OCA2: variants seen among roughly 807,000 people sequenced by gnomAD.
The protein encoded by OCA2 is OCA2 melanosomal transmembrane protein, also known as P protein.
In OCA2, 77 loss-of-function variants were observed where a neutral mutation model predicts 100.2. That is an observed-to-expected ratio of 0.77 (90% CI 0.64 to 0.93). The LOEUF is 0.93. OCA2 is among the 40% of genes least tolerant of loss of function. The probability of loss-of-function intolerance (pLI) is 0.00; values close to 1 mark genes in which losing one functional copy is unlikely to be tolerated. For missense variants in OCA2, 1,062 were observed against 1,089.1 expected (o/e 0.98, Z 0.35); for synonymous variants, 432 against 439.2 (o/e 0.98, Z 0.21).
rs754777148 is a variant in OCA2, at chr15:27,966,752, G to A, written c.1574C>T (p.Pro525Leu). The change falls in exon 15 of 24, where the codon CCG becomes CTG. Residue 525 changes from proline (P) to leucine (L), a missense_variant. By Grantham distance (98) the Pro-to-Leu change is moderately conservative. Transcript: ENST00000354638. ...GICLVLLVCF[P>L]LLRLLYWNRK... ...GTTCCAGTAAAGGAGTCTGAGGAGC[G>A]GAAAGCAGACCAGGAGAACAAGGCA... 2.5e-5 allele frequency: 40 copies of A among 1,613,706 alleles called. No individual in the cohort carries two copies. Among genetic ancestry groups the A allele is most frequent in the African/African-American group, 2.7e-5 (2 of 74,888 alleles).
intron 14 of OCA2, 68 bp from the exon 15 acceptor site, chr15:27,966,890 C>T: frequency 2.0e-6 from 3 of 1,535,880 alleles, no homozygotes; most frequent in Non-Finnish European, 2.7e-6. Context: ...AATCCCAGCA[C>T]TTTCCGAGGT....
At chr15:27,895,715 A>G in intron 19 of OCA2, 1 of 238,710 alleles carries the variant, frequency 4.2e-6, no homozygotes, top group South Asian at 6.2e-5. Context: ...TGGGGTTTGT[A>G]AAGTTGTTAA....
intron 4 of OCA2, 67 bp downstream of exon 4, chr15:28,027,804 A>C (rs944542246): frequency 6.7e-7 from 1 of 1,502,748 alleles, no homozygotes; most frequent in African/African-American, 1.4e-5. Flanking sequence ...TGAAAGATGG[A>C]GGGGCCATGT....
chr15:27,788,041 C>A (rs2032900898), intron 23 of OCA2, among the ~76,000 whole-genome samples: 1 of 150,994 alleles, frequency 6.6e-6, no homozygotes, highest in South Asian at 2.1e-4. Flanking sequence ...TCCCCAAATC[C>A]ATTTATGGTT....
chr15:27,755,498 T>C lies in OCA2; in HGVS notation c.2433-26A>G, dbSNP rs200842913. On this transcript the variant is annotated intron_variant, in intron 23 of 23. Transcript: ENST00000354638. ...CTGAAATACAAAGAGAAATGAGTTA[T>C]GGCATCTGAAATCTGGATAATCTCA... 8 of 1,574,586 alleles carry C rather than the reference T, an allele frequency of 5.1e-6. No individual in the cohort carries two copies. The African/African-American group carries it at 6.7e-5, about 13-fold the overall frequency.
chr15:27,804,355 C>T (rs1176712043), intron 23 of OCA2, among the ~76,000 whole-genome samples: 1 of 152,182 alleles, frequency 6.6e-6, no homozygotes, highest in East Asian at 1.9e-4. Flanking sequence ...CATTTACACA[C>T]AAGGAAGGCA....
chr15:27,811,086 G>A (rs939667816), intron 23 of OCA2, among the ~76,000 whole-genome samples: 15 of 152,034 alleles, frequency 9.9e-5, no homozygotes, highest in South Asian at 2.1e-4. Flanking sequence ...TTATGGCAGC[G>A]CAATTCACAA....
chr15:27,809,398 A>G (rs2033986031), intron 23 of OCA2, among the ~76,000 whole-genome samples: 1 of 152,226 alleles, frequency 6.6e-6, no homozygotes, highest in Non-Finnish European at 1.5e-5. Context: ...ATATATGACC[A>G]ACCCATAGCC....
chr15:27,780,975 G>T (rs2032510129), intron 23 of OCA2, among the ~76,000 whole-genome samples: 1 of 152,156 alleles, frequency 6.6e-6, no homozygotes, highest in African/African-American at 2.4e-5. Context: ...AAAGTACCTT[G>T]TCTGTTTCAT....
chr15:27,772,095 A>G (rs973083516), intron 23 of OCA2, among the ~76,000 whole-genome samples: 1 of 152,244 alleles, frequency 6.6e-6, no homozygotes, highest in Non-Finnish European at 1.5e-5. Flanking sequence ...CTGCGGGCCC[A>G]CGAGGAAGGC....
At chr15:27,969,493 C>T (rs893311593) in intron 14 of OCA2, among the ~76,000 whole-genome samples, 1 of 152,208 alleles carries the variant, frequency 6.6e-6, no homozygotes, top group Non-Finnish European at 1.5e-5. Flanking sequence ...CCTAGACTCT[C>T]GTCTGTGTTC....
chr15:27,826,729 G>A (rs533289113), intron 23 of OCA2, among the ~76,000 whole-genome samples: 41 of 152,324 alleles, frequency 2.7e-4, no homozygotes, highest in African/African-American at 9.6e-4. Context: ...GTGGGCAGAT[G>A]AGGCCATCCA....
chr15:27,822,708 T>A (rs1231054885), intron 23 of OCA2, among the ~76,000 whole-genome samples: 2 of 152,176 alleles, frequency 1.3e-5, no homozygotes, highest in African/African-American at 4.8e-5. Flanking sequence ...GAAATGAGAG[T>A]GAAATTGCTC....
intron 15 of OCA2, among the ~76,000 whole-genome samples, chr15:27,960,657 C>G (rs777795963): frequency 6.6e-6 from 1 of 152,128 alleles, no homozygotes; most frequent in Non-Finnish European, 1.5e-5. Flanking sequence ...AATCCTAGCA[C>G]TTTGGGAGGC....
chr15:27,771,494 C>T (rs2031861041), intron 23 of OCA2, among the ~76,000 whole-genome samples: 1 of 152,032 alleles, frequency 6.6e-6, no homozygotes, highest in Non-Finnish European at 1.5e-5. Flanking sequence ...GGGGGGTGCT[C>T]CGTGGCCGCG....
At chr15:27,986,538 A>G (rs1466930788) in intron 12 of OCA2, 49 bp downstream of exon 12, 7 of 1,070,444 alleles carry the variant, frequency 6.5e-6, no homozygotes, top group Non-Finnish European at 1.0e-5. Flanking sequence ...AGAAAAATAC[A>G]TATATAAATT....
At chr15:27,928,812 T>C (rs893194264) in intron 18 of OCA2, among the ~76,000 whole-genome samples, 1 of 152,196 alleles carries the variant, frequency 6.6e-6, no homozygotes, top group Non-Finnish European at 1.5e-5. Flanking sequence ...TCTTTCACTT[T>C]ATTTTTAAGG....
At chr15:27,727,768 C>T in the OCA2 span, among the ~76,000 whole-genome samples, 6 of 152,186 alleles carry the variant, frequency 3.9e-5, no homozygotes, top group African/African-American at 1.4e-4. Context: ...CAGTGTCCTG[C>T]AGGCACCACC....
At chr15:27,917,704 T>C (rs2703942) in intron 19 of OCA2, among the ~76,000 whole-genome samples, 1 of 151,998 alleles carries the variant, frequency 6.6e-6, no homozygotes, top group Non-Finnish European at 1.5e-5. Context: ...TAAGGATGAG[T>C]GGGAGCAAAA....
Sources: gnomAD v4.1 joint callset for allele counts (sites outside exome capture counted in the v4.1 genomes callset) on GRCh38, gnomAD v4.1.1 for gene constraint, MANE v1.5 for transcripts, NCBI Gene and HGNC (gene_info 2026-07-23, HGNC 2026-07-21) for gene names.